Variants in FRMPD4 observed in about 807,000 individuals in gnomAD.
FRMPD4 encodes FERM and PDZ domain containing 4.
Under a neutral mutation model 94.1 loss-of-function variants are expected in FRMPD4, and 22 were observed. The ratio of observed to expected loss-of-function variants is 0.23; its 90% CI spans 0.17 to 0.33. The LOEUF (loss-of-function observed/expected upper bound fraction) is 0.33, where lower values mean the gene tolerates loss of function less well. Among genes scored for constraint, FRMPD4 ranks in the 10% least tolerant of loss-of-function variants. FRMPD4 has a pLI of 1.00. For missense variants in FRMPD4, 1,111 were observed against 1,339.9 expected (o/e 0.83, Z 2.67); for synonymous variants, 631 against 548.6 (o/e 1.15, Z -2.10).
chrX:12,249,033 C>T (rs192275239), intron 1 of FRMPD4, among the ~76,000 whole-genome samples: 1 of 112,435 alleles, frequency 8.9e-6, no homozygotes, highest in African/African-American at 3.2e-5. Flanking sequence ...AATGAGACTC[C>T]GTCTCAAAAA....
intron 4 of FRMPD4, among the ~76,000 whole-genome samples, chrX:12,638,378 A>G (rs145951308): frequency 0.012 from 1,381 of 111,797 alleles, 21 homozygotes; most frequent in African/African-American, 0.042. Flanking sequence ...CTGGGACTAT[A>G]GGCATGCCCC....
chrX:12,209,570 A>G (rs1285324344), intron 1 of FRMPD4, among the ~76,000 whole-genome samples: 1 of 112,204 alleles, frequency 8.9e-6, no homozygotes, highest in African/African-American at 3.2e-5. Flanking sequence ...TGAAATCTAC[A>G]GATTATCATT....
intron 1 of FRMPD4, among the ~76,000 whole-genome samples, chrX:12,193,776 AAGGAAGGAAGG>A (rs2056524222): frequency 5.1e-5 from 1 of 19,748 alleles, no homozygotes; most frequent in Non-Finnish European, 7.7e-5. Flanking sequence ...GAAAGAAAGG[AAGGAAGGAAGG>A]AAGGAAGGAA....
chrX:12,240,686 A>G (rs966452719), intron 1 of FRMPD4, among the ~76,000 whole-genome samples: 3 of 112,356 alleles, frequency 2.7e-5, no homozygotes, highest in African/African-American at 9.7e-5. Flanking sequence ...ATAGATCAAG[A>G]TAAGCAATGT....
intron 3 of FRMPD4, among the ~76,000 whole-genome samples, chrX:12,032,071 C>T (rs764712701): frequency 6.3e-5 from 7 of 111,412 alleles, no homozygotes; most frequent in Admixed American, 4.8e-4. Context: ...TTGATGGGAA[C>T]GAAAAAATAT....
chrX:12,070,051 G>A (rs1237611463), intron 3 of FRMPD4, among the ~76,000 whole-genome samples: 3 of 111,645 alleles, frequency 2.7e-5, no homozygotes, highest in African/African-American at 6.5e-5. Context: ...TGGGACCAAA[G>A]AAAGGCTTTT....
At chrX:12,537,731 G>T (rs753356865) in intron 2 of FRMPD4, among the ~76,000 whole-genome samples, 1 of 108,756 alleles carries the variant, frequency 9.2e-6, no homozygotes, top group African/African-American at 3.3e-5. Flanking sequence ...CTTCACCTCA[G>T]CCTCCCAAAA....
At chrX:12,688,745 CT>C (rs371548205) in intron 7 of FRMPD4, among the ~76,000 whole-genome samples, 4,641 of 91,938 alleles carry the variant, frequency 0.05, 316 homozygotes, top group African/African-American at 0.17. Flanking sequence ...GCAGGGAAAT[CT>C]TTTTTTTTTT....
chrX:12,553,434 C>CTA (rs3066486), intron 2 of FRMPD4, among the ~76,000 whole-genome samples: 1,963 of 39,531 alleles, frequency 0.05, 74 homozygotes, highest in South Asian at 0.094. Flanking sequence ...ATCCATATGC[C>CTA]TATATATATA....
chrX:12,680,816 T>C (rs1280503098), intron 5 of FRMPD4, among the ~76,000 whole-genome samples: 1 of 110,566 alleles, frequency 9.0e-6, no homozygotes, highest in Non-Finnish European at 1.9e-5. Flanking sequence ...AGAGAGGAGA[T>C]AGTACATAAG....
At chrX:12,675,424 T>TCA (rs1330128598) in intron 5 of FRMPD4, among the ~76,000 whole-genome samples, 1 of 89,804 alleles carries the variant, frequency 1.1e-5, no homozygotes, top group Non-Finnish European at 2.2e-5. Context: ...TCTTGTGATT[T>TCA]AAAAAAAAAA....
chrX:12,204,402 A>G (rs951654348), intron 1 of FRMPD4, among the ~76,000 whole-genome samples: 4 of 111,871 alleles, frequency 3.6e-5, no homozygotes, highest in African/African-American at 1.3e-4. Context: ...ACCCTTGGAT[A>G]CTGTTGTCGC....
chrX:11,956,808 GCT>G (rs1348240674), intron 3 of FRMPD4, among the ~76,000 whole-genome samples: 2 of 112,027 alleles, frequency 1.8e-5, no homozygotes, highest in African/African-American at 6.5e-5. Flanking sequence ...AGGGTGGGAG[GCT>G]GACTACTAAC....
At chrX:12,265,331 G>A (rs780820651) in intron 1 of FRMPD4, among the ~76,000 whole-genome samples, 6 of 112,279 alleles carry the variant, frequency 5.3e-5, no homozygotes, top group Admixed American at 9.4e-5. Context: ...GATTTTTATG[G>A]TAAATTAATC....
chrX:11,909,706 C>G (rs1434066391), intron 3 of FRMPD4, among the ~76,000 whole-genome samples: 1 of 110,654 alleles, frequency 9.0e-6, no homozygotes, highest in Non-Finnish European at 1.9e-5. Flanking sequence ...ATCTGCATCC[C>G]ACACATTTTG....
intron 1 of FRMPD4, among the ~76,000 whole-genome samples, chrX:12,375,647 C>T (rs1323904516): frequency 8.9e-6 from 1 of 112,266 alleles, no homozygotes; most frequent in Admixed American, 9.4e-5. Flanking sequence ...TAAGGTCAGC[C>T]GATCAATAAA....
intron 1 of FRMPD4, among the ~76,000 whole-genome samples, chrX:12,403,243 C>T (rs1238390066): frequency 8.9e-6 from 1 of 111,927 alleles, no homozygotes; most frequent in Non-Finnish European, 1.9e-5. Flanking sequence ...CTCTGCCTGC[C>T]TTTCCTGCCT....
At chrX:11,903,816 T>C (rs1359238797) in intron 3 of FRMPD4, among the ~76,000 whole-genome samples, 1 of 112,143 alleles carries the variant, frequency 8.9e-6, no homozygotes, top group East Asian at 2.8e-4. Context: ...GGTCTTGCTG[T>C]GTTGCCTGGC....
chrX:12,059,247 G>A (rs2054871646), intron 3 of FRMPD4, among the ~76,000 whole-genome samples: 2 of 111,493 alleles, frequency 1.8e-5, no homozygotes, highest in Non-Finnish European at 3.8e-5. Context: ...TCTAATAATG[G>A]TGTGTTGAAA....
Sources: allele counts gnomAD v4.1 joint callset (sites outside exome capture counted in the v4.1 genomes callset), GRCh38; gene constraint gnomAD v4.1.1; transcripts MANE v1.5; gene names NCBI Gene and HGNC (gene_info 2026-07-23, HGNC 2026-07-21).